The following ZNF407 variants were observed in gnomAD, a reference collection of about 807,000 sequenced individuals.
ZNF407 encodes zinc finger protein 407.
Under a neutral mutation model 131.2 loss-of-function variants are expected in ZNF407, and 17 were observed. The observed-to-expected ratio is 0.13, with a 90% CI of 0.09 to 0.19. ZNF407 has a LOEUF of 0.19. Ranked by LOEUF, ZNF407 falls within the 10% of genes least tolerant of loss-of-function variation. The pLI is 1.00. For missense variants in ZNF407, 2,681 were observed against 2,830.6 expected, an observed-to-expected ratio of 0.95 and a Z score of 1.20; for synonymous variants, 1,156 against 1,062.0, an observed-to-expected ratio of 1.09 and a Z score of -1.72.
At chr18:74,637,139 A>T (rs1036142972) in intron 2 of ZNF407, among the ~76,000 whole-genome samples, 22 of 152,354 alleles carry the variant, frequency 1.4e-4, no homozygotes, top group African/African-American at 4.3e-4. Flanking sequence ...GTTAAAGCTC[A>T]CTAAAAGCAT....
chr18:74,888,752 G>A (rs1026065737), intron 6 of ZNF407, among the ~76,000 whole-genome samples: 5 of 152,190 alleles, frequency 3.3e-5, no homozygotes, highest in Non-Finnish European at 7.4e-5. Flanking sequence ...AAGACTCCAT[G>A]ATTCTTTGAA....
intron 3 of ZNF407, among the ~76,000 whole-genome samples, chr18:74,685,201 T>C (rs1599068048): frequency 1.3e-5 from 2 of 152,022 alleles, no homozygotes; most frequent in Admixed American, 1.3e-4. Context: ...TAATTGTCTA[T>C]TTTTTTTCAG....
At chr18:74,774,488 A>C (rs915159929) in intron 3 of ZNF407, among the ~76,000 whole-genome samples, 5 of 152,228 alleles carry the variant, frequency 3.3e-5, no homozygotes, top group Non-Finnish European at 7.3e-5. Context: ...AGTTTAGCAT[A>C]ATGGAATGTG....
intron 7 of ZNF407, among the ~76,000 whole-genome samples, chr18:74,901,807 ATATAT>A (rs1485937464): frequency 6.6e-6 from 1 of 152,206 alleles, no homozygotes; most frequent in African/African-American, 2.4e-5. Flanking sequence ...ACATGCACAC[ATATAT>A]TATTACCTTC....
chr18:74,953,937 A>G (rs1214717937), intron 8 of ZNF407, among the ~76,000 whole-genome samples: 2 of 152,228 alleles, frequency 1.3e-5, no homozygotes, highest in Admixed American at 1.3e-4. Flanking sequence ...AAAACAAAAG[A>G]TAGGCTCAAA....
At chr18:74,775,174 T>G (rs905007512) in intron 3 of ZNF407, among the ~76,000 whole-genome samples, 2 of 152,214 alleles carry the variant, frequency 1.3e-5, no homozygotes, top group Non-Finnish European at 2.9e-5. Context: ...TTATCCTTTC[T>G]GTCTGCTAGG....
At chr18:74,964,775 C>T (rs1268009129) in intron 8 of ZNF407, among the ~76,000 whole-genome samples, 2 of 152,100 alleles carry the variant, frequency 1.3e-5, no homozygotes, top group Non-Finnish European at 2.9e-5. Context: ...CCATAGGATT[C>T]ATTTTTGTAA....
At chr18:74,879,146 A>G (rs1378435121) in intron 5 of ZNF407, among the ~76,000 whole-genome samples, 1 of 152,218 alleles carries the variant, frequency 6.6e-6, no homozygotes, top group Non-Finnish European at 1.5e-5. Context: ...TGCAGCATCT[A>G]TGCATGTAGA....
chr18:74,800,962 T>TC (rs1288246066), intron 4 of ZNF407, among the ~76,000 whole-genome samples: 2 of 151,978 alleles, frequency 1.3e-5, no homozygotes, highest in Non-Finnish European at 2.9e-5. Context: ...ATTATACCGT[T>TC]TTTTTTTAAA....
chr18:74,676,003 A>C (rs904188671), intron 3 of ZNF407, among the ~76,000 whole-genome samples: 1 of 152,222 alleles, frequency 6.6e-6, no homozygotes, highest in Non-Finnish European at 1.5e-5. Flanking sequence ...CTGCATGTAT[A>C]AAAAGAAAAT....
intron 8 of ZNF407, among the ~76,000 whole-genome samples, chr18:75,034,217 A>G (rs996261548): frequency 6.6e-6 from 1 of 151,644 alleles, no homozygotes; most frequent in Non-Finnish European, 1.5e-5. Context: ...TTTGGTAAGT[A>G]TCTATTCAAA....
At position 74,716,170 on chromosome 18, in the gene ZNF407, G is replaced by C. The variant is rs544608833; in HGVS notation, c.4803-65258G>C. 2.6e-5 allele frequency among the ~76,000 whole-genome samples: 4 copies of C among 152,288 alleles called. No homozygotes were observed. In the South Asian group the frequency reaches 6.2e-4, roughly 24 times the overall value. ...GGTTTTTAATTTTTAGTTGTATCTT[G>C]AGAGGTGATGCTGCTACATTCGTGA... On this transcript the variant is annotated intron_variant, in intron 3 of 8. Transcript: ENST00000299687.
chr18:74,939,041 G>A (rs1028188286), intron 8 of ZNF407, among the ~76,000 whole-genome samples: 2 of 152,182 alleles, frequency 1.3e-5, no homozygotes, highest in African/African-American at 4.8e-5. Context: ...AAGGTGTGAG[G>A]CGACCTTTTT....
At chr18:75,006,498 G>T (rs181701360) in intron 8 of ZNF407, among the ~76,000 whole-genome samples, 1 of 152,024 alleles carries the variant, frequency 6.6e-6, no homozygotes, top group Non-Finnish European at 1.5e-5. Flanking sequence ...AAATACATTT[G>T]ATTTCTTCTT....
At chr18:75,023,141 G>A (rs1017242241) in intron 8 of ZNF407, among the ~76,000 whole-genome samples, 1 of 152,086 alleles carries the variant, frequency 6.6e-6, no homozygotes, top group African/African-American at 2.4e-5. Context: ...AGAACACATG[G>A]ACACAGGAAG....
intron 3 of ZNF407, among the ~76,000 whole-genome samples, chr18:74,695,176 A>G (rs957010063): frequency 4.6e-5 from 7 of 152,178 alleles, no homozygotes; most frequent in Non-Finnish European, 1.0e-4. Context: ...GATTGCTTAT[A>G]AGGATTGCTC....
At chr18:74,989,505 T>C (rs952492907) in intron 8 of ZNF407, among the ~76,000 whole-genome samples, 7 of 152,230 alleles carry the variant, frequency 4.6e-5, no homozygotes, top group Non-Finnish European at 8.8e-5. Context: ...ATTATCCTAC[T>C]TCCTTTCGAA....
rs1967846148 is a variant in ZNF407 at position 74,714,562 on chromosome 18, T to A, written c.4803-66866T>A. On this transcript the variant is annotated intron_variant, in intron 3 of 8. Transcript: ENST00000299687. ...TTCCTGGTACTTGTTAATATCTTCC[T>A]TGTTTGTCAGTTTTGAAGACTAGTA... is the stretch of plus-strand genomic sequence containing the variant. 2.0e-5 allele frequency among the ~76,000 whole-genome samples: 3 copies of A among 152,378 alleles called. No individual in the cohort carries two copies. The South Asian group carries it at 6.2e-4, about 32-fold the overall frequency.
At chr18:74,684,504 G>T (rs897853832) in intron 3 of ZNF407, among the ~76,000 whole-genome samples, 1 of 152,076 alleles carries the variant, frequency 6.6e-6, no homozygotes, top group Non-Finnish European at 1.5e-5. Context: ...ATTCCCAAAC[G>T]CACCGAGTCA....
Sources: allele counts gnomAD v4.1 joint callset (sites outside exome capture counted in the v4.1 genomes callset), GRCh38; gene constraint gnomAD v4.1.1; transcripts MANE v1.5; gene names NCBI Gene and HGNC (gene_info 2026-07-23, HGNC 2026-07-21).